The following OVCH1 variants were observed in gnomAD, a reference collection of about 807,000 sequenced individuals.
OVCH1 encodes ovochymase 1, also known as ovochymase-1.
A neutral mutation model predicts 138.4 loss-of-function variants in OVCH1; 139 were observed. That is an observed-to-expected ratio of 1.00 (90% CI 0.87 to 1.16). OVCH1 has a LOEUF of 1.16. Among genes scored for constraint, OVCH1 ranks in the 50% most tolerant of loss-of-function variants. The pLI is 0.00. For synonymous variants in OVCH1, 453 were observed against 467.8 expected, an observed-to-expected ratio of 0.97 and a Z score of 0.41; for missense variants, 1,367 against 1,357.9, an observed-to-expected ratio of 1.01 and a Z score of -0.11.
chr12:29,481,247 G>A (rs763855917), intron 8 of OVCH1, among the ~76,000 whole-genome samples: 8 of 152,032 alleles, frequency 5.3e-5, no homozygotes, highest in South Asian at 2.1e-4. Context: ...TTAGCCTTAC[G>A]CTAAAGACAG....
chr12:29,462,041 A>G (rs1431817570), intron 18 of OVCH1, 33 bp from the exon 19 acceptor site: 16 of 1,598,978 alleles, frequency 1.0e-5, no homozygotes, highest in Admixed American at 1.7e-5. Context: ...GAGCTCGATG[A>G]TGAAGTAAGC....
intron 22 of OVCH1, among the ~76,000 whole-genome samples, chr12:29,447,821 A>T (rs1425901713): frequency 1.3e-5 from 2 of 152,222 alleles, no homozygotes; most frequent in South Asian, 2.1e-4. Context: ...CTTTAGACTG[A>T]GAGGCCCTCT....
chr12:29,481,505 T>C (rs539220843), intron 8 of OVCH1, among the ~76,000 whole-genome samples: 7 of 152,320 alleles, frequency 4.6e-5, no homozygotes, highest in African/African-American at 1.7e-4. Context: ...GTTGAAGCAA[T>C]TAAAATCTCA....
chr12:29,425,472 A>G (rs569221655), downstream of OVCH1, among the ~76,000 whole-genome samples: 1 of 152,264 alleles, frequency 6.6e-6, no homozygotes, highest in East Asian at 1.9e-4. Flanking sequence ...TTTTAAACTG[A>G]TCTAATTTCT....
At chr12:29,488,640 AAAAG>A (rs1565612196) in intron 6 of OVCH1, among the ~76,000 whole-genome samples, 3 of 150,526 alleles carry the variant, frequency 2.0e-5, no homozygotes, top group Non-Finnish European at 3.0e-5. Context: ...AAAAAAAAAA[AAAAG>A]AAAGGAAAGG....
downstream of OVCH1, among the ~76,000 whole-genome samples, chr12:29,409,041 G>T (rs560816846): frequency 6.4e-4 from 97 of 152,254 alleles, 1 homozygote; most frequent in South Asian, 0.018. Context: ...TCTTGGGAGA[G>T]TGTATGTGTC....
chr12:29,419,138 G>A (rs2135882623), intron 3 of OVCH1, among the ~76,000 whole-genome samples: 1 of 152,240 alleles, frequency 6.6e-6, no homozygotes, highest in African/African-American at 2.4e-5. Context: ...GATTACAGGT[G>A]TGAACCACCA....
chr12:29,472,411 A>G (rs537046592), intron 15 of OVCH1, among the ~76,000 whole-genome samples: 5 of 152,294 alleles, frequency 3.3e-5, no homozygotes, highest in African/African-American at 1.2e-4. Flanking sequence ...TTCTCACTGT[A>G]TGAATCCATG....
At chr12:29,448,305 G>A (rs1941674338) in intron 22 of OVCH1, among the ~76,000 whole-genome samples, 1 of 151,454 alleles carries the variant, frequency 6.6e-6, no homozygotes, top group South Asian at 2.1e-4. Context: ...GCCATGAGTT[G>A]GTAGTGGTCT....
chr12:29,484,753 A>G (rs1001104413), intron 8 of OVCH1, among the ~76,000 whole-genome samples: 5 of 152,212 alleles, frequency 3.3e-5, no homozygotes, highest in African/African-American at 9.6e-5. Context: ...TGGGGGTAAC[A>G]AATCTTCCCA....
chr12:29,457,722 T>TA (rs1348884058), intron 19 of OVCH1, among the ~76,000 whole-genome samples: 1 of 151,976 alleles, frequency 6.6e-6, no homozygotes, highest in East Asian at 1.9e-4. Context: ...TATTTTTTAT[T>TA]AAAAAATTAT....
chr12:29,487,964 AT>A, intron 6 of OVCH1, 82 bp from the exon 7 acceptor site: 1 of 1,336,494 alleles, frequency 7.5e-7, no homozygotes, highest in Non-Finnish European at 1.0e-6. Context: ...ATCAGCACTC[AT>A]CACAAAGTGA....
intron 22 of OVCH1, among the ~76,000 whole-genome samples, chr12:29,449,452 C>A (rs915956436): frequency 6.6e-6 from 1 of 151,982 alleles, no homozygotes; most frequent in African/African-American, 2.4e-5. Flanking sequence ...TTACTTTGGG[C>A]AGTATGGCCA....
chr12:29,407,673 T>C (rs1940901724), downstream of OVCH1, among the ~76,000 whole-genome samples: 1 of 152,182 alleles, frequency 6.6e-6, no homozygotes, highest in Non-Finnish European at 1.5e-5. Context: ...TCTATCTCTG[T>C]TTTGGTGCCA....
At chr12:29,425,266 TAGAC>T (rs1256567059), downstream of OVCH1, among the ~76,000 whole-genome samples, 1 of 152,212 alleles carries the variant, frequency 6.6e-6, no homozygotes, top group Non-Finnish European at 1.5e-5. Context: ...ATTGATGACT[TAGAC>T]AGAAATACAG....
intron 6 of OVCH1, among the ~76,000 whole-genome samples, chr12:29,489,159 G>A (rs1157847328): frequency 6.6e-6 from 1 of 152,174 alleles, no homozygotes; most frequent in African/African-American, 2.4e-5. Context: ...GTGAAGTTGT[G>A]TCAGTCTTGG....
At chr12:29,434,157 A>G (rs11050230) in intron 26 of OVCH1, among the ~76,000 whole-genome samples, 6,606 of 152,298 alleles carry the variant, frequency 0.043, 449 homozygotes, top group African/African-American at 0.14. Flanking sequence ...ATATGAACTA[A>G]TCAAACAAGT....
chr12:29,482,069 T>C (rs1270069695), intron 8 of OVCH1, among the ~76,000 whole-genome samples: 1 of 152,214 alleles, frequency 6.6e-6, no homozygotes, highest in African/African-American at 2.4e-5. Flanking sequence ...AAGTGATCTT[T>C]TAAAAATGTG....
intron 3 of OVCH1, among the ~76,000 whole-genome samples, chr12:29,414,354 A>G (rs117515437): frequency 0.012 from 1,753 of 152,076 alleles, 17 homozygotes; most frequent in Middle Eastern, 0.031. Flanking sequence ...GATTTTTTTC[A>G]TTTACCAGAT....
Sources: gnomAD v4.1 joint callset for allele counts (sites outside exome capture counted in the v4.1 genomes callset) on GRCh38, gnomAD v4.1.1 for gene constraint, MANE v1.5 for transcripts, NCBI Gene and HGNC (gene_info 2026-07-23, HGNC 2026-07-21) for gene names.